The following CNTN6 variants were observed in gnomAD, a reference collection of about 807,000 sequenced individuals.
CNTN6 encodes contactin-6.
In CNTN6, 137 loss-of-function variants were observed where a neutral mutation model predicts 122.8. The ratio of observed to expected loss-of-function variants is 1.12; its 90% CI spans 0.97 to 1.29. The LOEUF is 1.29. Ranked by LOEUF, CNTN6 falls within the 50% of genes most tolerant of loss-of-function variation. The pLI, the probability that CNTN6 is intolerant of heterozygous loss-of-function variation, is 0.00. For missense variants in CNTN6, 1,634 were observed against 1,223.4 expected (o/e 1.34, Z -5.01); for synonymous variants, 570 against 426.0 (o/e 1.34, Z -4.16).
chr3:1,372,593 G>A, intron 13 of CNTN6, 119 bp downstream of exon 13: 2 of 899,552 alleles, frequency 2.2e-6, no homozygotes, highest in Non-Finnish European at 3.3e-6. Context: ...GACTGTTTTT[G>A]AAGCTACATT....
At chr3:1,225,940 G>A (rs34711215) in intron 3 of CNTN6, among the ~76,000 whole-genome samples, 16,273 of 152,142 alleles carry the variant, frequency 0.11, 949 homozygotes, top group African/African-American at 0.13. Flanking sequence ...ACATGGTAGA[G>A]GATTACCTAA....
chr3:1,093,962 T>G (rs1311788593), intron 1 of CNTN6, among the ~76,000 whole-genome samples: 1 of 152,218 alleles, frequency 6.6e-6, no homozygotes, highest in Non-Finnish European at 1.5e-5. Context: ...GCATCCTGAC[T>G]ATGTCCTCTG....
intron 4 of CNTN6, among the ~76,000 whole-genome samples, chr3:1,239,456 T>C (rs2125598399): frequency 6.6e-6 from 1 of 151,882 alleles, no homozygotes; most frequent in East Asian, 1.9e-4. Flanking sequence ...CTTAGGAATA[T>C]ATCTAATCAA....
intron 5 of CNTN6, among the ~76,000 whole-genome samples, chr3:1,284,750 T>A (rs764029209): frequency 1.3e-5 from 2 of 152,210 alleles, no homozygotes; most frequent in Non-Finnish European, 2.9e-5. Context: ...AAAGAAGGTT[T>A]CACTGCTATT....
intron 2 of CNTN6, among the ~76,000 whole-genome samples, chr3:1,181,718 G>T (rs760184165): frequency 3.1e-4 from 47 of 152,238 alleles, no homozygotes; most frequent in Non-Finnish European, 6.5e-4. Flanking sequence ...ACTGGTTTGT[G>T]TGTTAAGGAT....
chr3:1,381,718 A>G (rs1691920750), intron 17 of CNTN6, among the ~76,000 whole-genome samples: 1 of 152,026 alleles, frequency 6.6e-6, no homozygotes, highest in Admixed American at 6.6e-5. Context: ...AATTTACAGC[A>G]TCTGTTTTCT....
intron 2 of CNTN6, among the ~76,000 whole-genome samples, chr3:1,197,270 A>G (rs17440919): frequency 0.11 from 16,865 of 152,202 alleles, 992 homozygotes; most frequent in Non-Finnish European, 0.13. Flanking sequence ...TTGGCTGGTC[A>G]TTGAGGATAC....
chr3:1,341,071 A>G (rs572961514), intron 11 of CNTN6, among the ~76,000 whole-genome samples: 4 of 152,138 alleles, frequency 2.6e-5, no homozygotes, highest in African/African-American at 9.7e-5. Flanking sequence ...TAATAATAGC[A>G]TAGGCAGAAT....
At chr3:1,239,240 C>T (rs2094454438) in intron 4 of CNTN6, among the ~76,000 whole-genome samples, 1 of 152,150 alleles carries the variant, frequency 6.6e-6, no homozygotes, top group Admixed American at 6.5e-5. Flanking sequence ...TCTCTGTTTG[C>T]TGACGTTACG....
chr3:1,329,742 T>C lies in CNTN6; in HGVS notation c.1214-43T>C, dbSNP rs934891511. The stretch of plus-strand genomic sequence containing the variant: ...AGTCACCCCTGGAGTCACTACATGT[T>C]AACTGAGTAATTAAACAATTTTGTC... On this transcript the variant is annotated intron_variant, in intron 10 of 22. Transcript: ENST00000446702. 12 of 1,569,666 alleles carry C rather than the reference T, an allele frequency of 7.6e-6. No individual in the cohort carries two copies. The African/African-American group carries it at 9.6e-5, about 13-fold the overall frequency.
chr3:1,126,511 C>G (rs1353534188), intron 1 of CNTN6, among the ~76,000 whole-genome samples: 1 of 151,828 alleles, frequency 6.6e-6, no homozygotes, highest in East Asian at 1.9e-4. Context: ...TTATTCCCCT[C>G]TTCATACTTA....
intron 20 of CNTN6, among the ~76,000 whole-genome samples, chr3:1,387,575 G>A (rs1576021089): frequency 1.3e-5 from 2 of 152,204 alleles, no homozygotes; most frequent in South Asian, 4.2e-4. Flanking sequence ...GAGGAGCCAA[G>A]ATGGCCGAAT....
rs567959507 is a variant in CNTN6 at position 1,257,823 on chromosome 3, A to G, written c.359-20590A>G. Among the ~76,000 whole-genome samples, 6 of 152,294 alleles carry G rather than the reference A, an allele frequency of 3.9e-5. No homozygotes were observed. In the South Asian group the frequency reaches 6.2e-4, roughly 16 times the overall value. On this transcript the variant is annotated intron_variant, in intron 4 of 22. Transcript: ENST00000446702. ...GAGAAAGCCCATTTAACAACAAAAG[A>G]CAAACTTTTAAAATGGCAGCACTGC...
At position 1,272,258 on chromosome 3, in the gene CNTN6, T is replaced by C. The variant is rs3772322; in HGVS notation, c.359-6155T>C. ...TAGCAGTATGAAAATTGACTAATAC[T>C]CAAACTCTCTTTTTCAACCTTATCT... On this transcript the variant is annotated intron_variant, in intron 4 of 22. Transcript: ENST00000446702. 2.6e-5 allele frequency among the ~76,000 whole-genome samples: 4 copies of C among 152,062 alleles called. No individual in the cohort carries two copies. In the East Asian group the frequency reaches 7.8e-4, roughly 30 times the overall value.
At chr3:1,157,496 T>C (rs7620016) in intron 2 of CNTN6, among the ~76,000 whole-genome samples, 28,921 of 152,050 alleles carry the variant, frequency 0.19, 3,545 homozygotes, top group African/African-American at 0.33. Flanking sequence ...GGATTACAGA[T>C]ATAAGCCACC....
chr3:1,263,484 A>G (rs973123116), intron 4 of CNTN6, among the ~76,000 whole-genome samples: 2 of 152,106 alleles, frequency 1.3e-5, no homozygotes, highest in African/African-American at 4.8e-5. Context: ...TGGATATTGG[A>G]AGCGAGTTCA....
intron 4 of CNTN6, among the ~76,000 whole-genome samples, chr3:1,233,563 G>A (rs994374213): frequency 7.3e-5 from 11 of 151,550 alleles, no homozygotes; most frequent in East Asian, 1.9e-4. Flanking sequence ...GTGAAACCAC[G>A]TCTCTATAAA....
chr3:1,264,019 T>C lies in CNTN6; in HGVS notation c.359-14394T>C, dbSNP rs2094888734. ...AAGGGCCATCGGGGGAAGAAACTCATTATGTTCCGAAAAACAGGAAAATAA... is the reference window on the plus strand; with the variant it reads ...AAGGGCCATCGGGGGAAGAAACTCACTATGTTCCGAAAAACAGGAAAATAA... On this transcript the variant is annotated intron_variant, in intron 4 of 22. Transcript: ENST00000446702. 2.6e-5 allele frequency among the ~76,000 whole-genome samples: 4 copies of C among 151,940 alleles called. No homozygotes were observed. The South Asian group carries it at 8.3e-4, about 32-fold the overall frequency.
intron 1 of CNTN6, among the ~76,000 whole-genome samples, chr3:1,142,915 T>C (rs2092640959): frequency 6.6e-6 from 1 of 150,376 alleles, no homozygotes; most frequent in African/African-American, 2.4e-5. Context: ...TGCATATACA[T>C]ATTATAGACA....
Sources: gnomAD v4.1 joint callset for allele counts (sites outside exome capture counted in the v4.1 genomes callset) on GRCh38, gnomAD v4.1.1 for gene constraint, MANE v1.5 for transcripts, NCBI Gene and HGNC (gene_info 2026-07-23, HGNC 2026-07-21) for gene names.